FBXL7: variants seen among roughly 807,000 people sequenced by gnomAD.
FBXL7 encodes the protein F-box/LRR-repeat protein 7.
A neutral mutation model predicts 38.3 loss-of-function variants in FBXL7; 12 were observed. The ratio of observed to expected loss-of-function variants is 0.31; its 90% CI spans 0.20 to 0.51. The LOEUF (loss-of-function observed/expected upper bound fraction) is 0.51. FBXL7 is among the 20% of genes least tolerant of loss of function. The pLI, the probability that FBXL7 is intolerant of heterozygous loss-of-function variation, is 0.98. For synonymous variants in FBXL7, 297 were observed against 300.9 expected, an observed-to-expected ratio of 0.99 and a Z score of 0.13; for missense variants, 567 against 676.4, an observed-to-expected ratio of 0.84 and a Z score of 1.79.
At chr5:15,582,024 A>C (rs943511671) in intron 1 of FBXL7, among the ~76,000 whole-genome samples, 1 of 152,112 alleles carries the variant, frequency 6.6e-6, no homozygotes, top group Non-Finnish European at 1.5e-5. Context: ...TGCAACCTCC[A>C]TCTCCCAGGT....
chr5:15,776,504 C>T (rs1736861341), intron 2 of FBXL7, among the ~76,000 whole-genome samples: 1 of 152,078 alleles, frequency 6.6e-6, no homozygotes, highest in African/African-American at 2.4e-5. Context: ...GGGCTTTTGC[C>T]AGCTTCCCCT....
At chr5:15,566,009 T>TA (rs1040245822) in intron 1 of FBXL7, among the ~76,000 whole-genome samples, 8 of 151,962 alleles carry the variant, frequency 5.3e-5, no homozygotes, top group African/African-American at 1.5e-4. Flanking sequence ...ATAAAATGAA[T>TA]CATCACACGT....
intron 2 of FBXL7, among the ~76,000 whole-genome samples, chr5:15,680,217 A>G (rs1283461055): frequency 3.3e-5 from 5 of 152,160 alleles, no homozygotes; most frequent in African/African-American, 1.2e-4. Context: ...TTTATTTTCA[A>G]TTTTCAGAAA....
intron 1 of FBXL7, among the ~76,000 whole-genome samples, chr5:15,609,111 C>T (rs1439535764): frequency 6.6e-6 from 1 of 152,184 alleles, no homozygotes; most frequent in Admixed American, 6.5e-5. Flanking sequence ...TCCAACTGCA[C>T]ATGAAGCAGG....
intron 2 of FBXL7, among the ~76,000 whole-genome samples, chr5:15,882,002 T>A (rs1740473493): frequency 6.6e-6 from 1 of 152,076 alleles, no homozygotes. Flanking sequence ...GACAGGCACT[T>A]CACATGGCTG....
chr5:15,522,736 T>C (rs929020676), intron 1 of FBXL7, among the ~76,000 whole-genome samples: 13 of 152,368 alleles, frequency 8.5e-5, no homozygotes, highest in South Asian at 4.1e-4. Flanking sequence ...TGTTGAAATA[T>C]AAGCTACTGT....
At chr5:15,584,072 A>AC (rs1358202052) in intron 1 of FBXL7, among the ~76,000 whole-genome samples, 2 of 151,924 alleles carry the variant, frequency 1.3e-5, no homozygotes, top group Admixed American at 1.3e-4. Context: ...CTGTACCTTG[A>AC]CCCCTTTTAA....
intron 2 of FBXL7, among the ~76,000 whole-genome samples, chr5:15,634,929 C>G (rs1741133219): frequency 6.6e-6 from 1 of 152,062 alleles, no homozygotes; most frequent in African/African-American, 2.4e-5. Context: ...CCTAGATAAC[C>G]CAGGATAATC....
At chr5:15,874,315 G>A (rs1249981986) in intron 2 of FBXL7, among the ~76,000 whole-genome samples, 2 of 152,020 alleles carry the variant, frequency 1.3e-5, no homozygotes, top group Admixed American at 1.3e-4. Context: ...CCAATATACT[G>A]AATGGACAAA....
chr5:15,644,568 T>G (rs1401894763), intron 2 of FBXL7, among the ~76,000 whole-genome samples: 3 of 152,104 alleles, frequency 2.0e-5, no homozygotes, highest in African/African-American at 7.2e-5. Flanking sequence ...GGGTACTTAT[T>G]CATCACTTTT....
chr5:15,600,655 C>T (rs748698155), intron 1 of FBXL7, among the ~76,000 whole-genome samples: 16 of 152,140 alleles, frequency 1.1e-4, no homozygotes, highest in Non-Finnish European at 2.4e-4. Flanking sequence ...AATTGTTTTG[C>T]ATTAAATAAG....
At chr5:15,864,032 A>G (rs780676897) in intron 2 of FBXL7, among the ~76,000 whole-genome samples, 5 of 152,152 alleles carry the variant, frequency 3.3e-5, no homozygotes, top group Non-Finnish European at 7.4e-5. Flanking sequence ...TGAAAATAAG[A>G]TTATCTGTCA....
At chr5:15,866,733 C>T (rs1055493391) in intron 2 of FBXL7, among the ~76,000 whole-genome samples, 3 of 135,582 alleles carry the variant, frequency 2.2e-5, no homozygotes, top group Non-Finnish European at 4.6e-5. Flanking sequence ...CATTGTTCAA[C>T]TCCCACTTAT....
rs2115319 is a variant in FBXL7, at chr5:15,528,006, A to G, written c.37+27293A>G. ...CAGTTGACCATCAGAAACAATATCTAACATGTTTATAATTTTCATATATTA... is the reference window on the plus strand; with the variant it reads ...CAGTTGACCATCAGAAACAATATCTGACATGTTTATAATTTTCATATATTA... On this transcript the variant is annotated intron_variant, in intron 1 of 3. Coordinates refer to ENST00000504595, the MANE Select transcript of FBXL7 (RefSeq NM_012304.5). Among the ~76,000 whole-genome samples the G allele has an allele frequency of 5.9e-3, 891 of 152,304 alleles. 11 individuals carry two copies. Among genetic ancestry groups the G allele is most frequent in the African/African-American group, 0.02 (840 of 41,568 alleles).
At chr5:15,770,084 G>A (rs1052408231) in intron 2 of FBXL7, among the ~76,000 whole-genome samples, 3 of 152,158 alleles carry the variant, frequency 2.0e-5, no homozygotes, top group Non-Finnish European at 4.4e-5. Context: ...GACTATTAAA[G>A]CCAGATGGAT....
chr5:15,855,350 C>CATAT (rs139888309), intron 2 of FBXL7, among the ~76,000 whole-genome samples: 4 of 151,166 alleles, frequency 2.6e-5, no homozygotes, highest in Non-Finnish European at 5.9e-5. Flanking sequence ...CGTTTTTCTG[C>CATAT]ATATATATAT....
At chr5:15,808,227 A>G (rs1471017177) in intron 2 of FBXL7, among the ~76,000 whole-genome samples, 1 of 151,862 alleles carries the variant, frequency 6.6e-6, no homozygotes, top group Non-Finnish European at 1.5e-5. Context: ...CATTTTTCAG[A>G]TTTCCTTCAT....
intron 2 of FBXL7, among the ~76,000 whole-genome samples, chr5:15,897,669 G>A (rs950590108): frequency 6.6e-6 from 1 of 152,150 alleles, no homozygotes; most frequent in African/African-American, 2.4e-5. Context: ...CTATGCTCCC[G>A]GAAATAGGGA....
intron 2 of FBXL7, among the ~76,000 whole-genome samples, chr5:15,677,990 C>T (rs1742718694): frequency 6.6e-6 from 1 of 152,206 alleles, no homozygotes; most frequent in Non-Finnish European, 1.5e-5. Flanking sequence ...GTCAACTTCT[C>T]TGCAATGTCT....
Sources: gnomAD v4.1 joint callset for allele counts (sites outside exome capture counted in the v4.1 genomes callset) on GRCh38, gnomAD v4.1.1 for gene constraint, MANE v1.5 for transcripts, NCBI Gene and HGNC (gene_info 2026-07-23, HGNC 2026-07-21) for gene names.